Variants in PARVB observed in about 807,000 individuals in gnomAD.
The protein encoded by PARVB is parvin beta, also known as beta-parvin.
Under a neutral mutation model 47.0 loss-of-function variants are expected in PARVB, and 46 were observed. The ratio of observed to expected loss-of-function variants is 0.98; its 90% CI spans 0.77 to 1.25. The LOEUF is 1.25. PARVB is among the 50% of genes most tolerant of loss of function. The probability of loss-of-function intolerance (pLI) is 0.00; values close to 1 mark genes in which losing one functional copy is unlikely to be tolerated. For synonymous variants in PARVB, 196 were observed against 196.3 expected (o/e 1.00, Z 0.01); for missense variants, 473 against 471.6 (o/e 1.00, Z -0.03).
At chr22:44,066,792 C>CCTCCTCCTT (rs2051536313) in intron 1 of PARVB, among the ~76,000 whole-genome samples, 1 of 141,360 alleles carries the variant, frequency 7.1e-6, no homozygotes, top group African/African-American at 2.7e-5. Context: ...TCCTCCTCCT[C>CCTCCTCCTT]CTCCTCCTCC....
At chr22:44,111,865 G>T (rs188121808) in intron 3 of PARVB, 4 of 152,056 alleles carry the variant, frequency 2.6e-5, no homozygotes, top group Admixed American at 2.6e-4. Context: ...GAGCTCTGAG[G>T]GGGTGGAAGA....
intron 1 of PARVB, among the ~76,000 whole-genome samples, chr22:44,059,608 C>T (rs757379379): frequency 3.9e-4 from 59 of 152,132 alleles, no homozygotes; most frequent in African/African-American, 1.3e-3. Flanking sequence ...TAGAAGGCAC[C>T]GGTATGGTAT....
chr22:44,103,801 A>T lies in PARVB; in HGVS notation c.273+3678A>T, dbSNP rs1162365202. 1.3e-5 allele frequency: 2 copies of T among 152,358 alleles called. No homozygotes were observed. The highest frequency in any genetic ancestry group is 1.9e-4 in the East Asian group (1 of 5,178). The allele number at this position is 152,358 out of a possible 1,614,324, so 9.4% of individuals were successfully genotyped here. ...GGAAGAAGGGGCCATGCACTAATGG[A>T]TGCAGGCGGCCTCTGCCTCTAGAAG... On this transcript the variant is annotated intron_variant, in intron 3 of 12. Transcript: ENST00000338758. This position sits in a 1 kb window ranked among gnomAD's most constrained non-coding sequence, Gnocchi z 4.6.
chr22:44,120,136 C>T (rs1015791569), intron 4 of PARVB, among the ~76,000 whole-genome samples: 15 of 152,216 alleles, frequency 9.9e-5, no homozygotes, highest in Admixed American at 3.3e-4. Flanking sequence ...AGCCCGGCCG[C>T]GGGGCCTTTC....
chr22:44,168,513 T>C, intron 12 of PARVB, 89 bp from the exon 13 acceptor site: 1 of 841,180 alleles, frequency 1.2e-6, no homozygotes, highest in Non-Finnish European at 2.1e-6. Context: ...CGGCAGCTGG[T>C]GTCATGCTGG....
intron 8 of PARVB, chr22:44,147,540 C>A: frequency 4.5e-6 from 2 of 445,588 alleles, no homozygotes; most frequent in South Asian, 1.8e-5. Flanking sequence ...CGCCTCAAGT[C>A]CTAGGACGTG....
intron 1 of PARVB, among the ~76,000 whole-genome samples, chr22:44,064,746 C>T (rs2051485779): frequency 6.6e-6 from 1 of 152,160 alleles, no homozygotes; most frequent in Non-Finnish European, 1.5e-5. Flanking sequence ...CTCAGCTACT[C>T]AGGAGGCTGA....
intron 1 of PARVB, among the ~76,000 whole-genome samples, chr22:44,065,825 G>A (rs1051322857): frequency 1.3e-5 from 2 of 149,928 alleles, no homozygotes; most frequent in African/African-American, 4.9e-5. Context: ...CCTTTTTATG[G>A]CTGATTAGTA....
chr22:44,117,295 T>G (rs2052930069), intron 3 of PARVB, among the ~76,000 whole-genome samples: 1 of 149,294 alleles, frequency 6.7e-6, no homozygotes, highest in South Asian at 2.1e-4. Context: ...CATGTAAGGG[T>G]CAGGGGAGTC....
intron 2 of PARVB, among the ~76,000 whole-genome samples, chr22:44,001,679 T>C (rs2050414565): frequency 6.6e-6 from 1 of 152,132 alleles, no homozygotes; most frequent in Non-Finnish European, 1.5e-5. Context: ...TTCCAAAAAT[T>C]CCAGTTTTCA....
intron 11 of PARVB, among the ~76,000 whole-genome samples, chr22:44,161,666 C>T (rs2054055879): frequency 6.6e-6 from 1 of 152,176 alleles, no homozygotes. Context: ...CCAGCACCAC[C>T]CTCCTTTGTG....
chr22:44,141,340 G>T (rs755578517), intron 8 of PARVB: 1 of 152,394 alleles, frequency 6.6e-6, no homozygotes, highest in East Asian at 1.9e-4. Flanking sequence ...TAGTCCTTCT[G>T]CAAGCTGAGG....
chr22:44,102,152 G>T (rs1407504293), intron 3 of PARVB, among the ~76,000 whole-genome samples: 5 of 152,210 alleles, frequency 3.3e-5, no homozygotes, highest in African/African-American at 4.8e-5. Context: ...CCGGGAACAG[G>T]GTGGGAGAAG....
At chr22:44,041,078 A>G (rs1569069933) in intron 1 of PARVB, among the ~76,000 whole-genome samples, 1 of 152,154 alleles carries the variant, frequency 6.6e-6, no homozygotes, top group Admixed American at 6.5e-5. Flanking sequence ...TCCAGCTGCA[A>G]TTGGAAATGA....
chr22:44,164,673 G>A (rs1213808500), intron 12 of PARVB, among the ~76,000 whole-genome samples: 1 of 152,164 alleles, frequency 6.6e-6, no homozygotes, highest in East Asian at 1.9e-4. Context: ...CAGACACTGT[G>A]GTTTAGTGCC....
intron 1 of PARVB, among the ~76,000 whole-genome samples, chr22:44,042,767 T>C (rs1331042655): frequency 1.3e-5 from 2 of 152,212 alleles, no homozygotes; most frequent in Non-Finnish European, 2.9e-5. Flanking sequence ...TTGGGCCTCA[T>C]TGCAAGGACA....
intron 3 of PARVB, chr22:44,105,995 A>AT (rs1190671049): frequency 1.3e-5 from 2 of 152,214 alleles, no homozygotes; most frequent in South Asian, 2.1e-4. Context: ...TGCCCGGCTA[A>AT]TTTTTTGTAT....
chr22:44,171,959 C>G lies in PARVB; in HGVS notation c.*3281C>G, dbSNP rs2147205887. 6.6e-6 allele frequency: 1 copy of G among 152,218 alleles called. No homozygotes were observed. The highest frequency in any genetic ancestry group is 1.9e-4 in the East Asian group (1 of 5,184). The allele number at this position is 152,218 out of a possible 1,614,324, so 9.4% of individuals were successfully genotyped here. On this transcript the variant is annotated 3_prime_UTR_variant, in exon 13 of 13. Transcript: ENST00000338758. ...CAAGTGATCCACCCACTTCTGTATC[C>G]TGAGTCCCTGGAACGGCAGGTGCAC...
intron 4 of PARVB, among the ~76,000 whole-genome samples, chr22:44,126,533 G>A (rs1399154155): frequency 3.9e-5 from 6 of 152,100 alleles, no homozygotes; most frequent in Non-Finnish European, 5.9e-5. Context: ...GCTGTCTGAA[G>A]GGATACTCCT....
Sources: gnomAD v4.1 joint callset for allele counts (sites outside exome capture counted in the v4.1 genomes callset) on GRCh38, gnomAD v4.1.1 for gene constraint, Gnocchi (gnomAD v3.1) non-coding constraint, MANE v1.5 for transcripts, NCBI Gene and HGNC (gene_info 2026-07-23, HGNC 2026-07-21) for gene names.